Variants in ZNF343 observed in about 807,000 individuals in gnomAD.
The protein encoded by ZNF343 is zinc finger protein 343.
In ZNF343, 11 loss-of-function variants were observed where a neutral mutation model predicts 13.8. That is an observed-to-expected ratio of 0.80 (90% CI 0.50 to 1.32). The LOEUF (loss-of-function observed/expected upper bound fraction) is 1.32. Ranked by LOEUF, ZNF343 falls within the 40% of genes most tolerant of loss-of-function variation. The probability of loss-of-function intolerance (pLI) is 0.00; values close to 1 mark genes in which losing one functional copy is unlikely to be tolerated. For synonymous variants in ZNF343, 248 were observed against 260.0 expected (o/e 0.95, Z 0.44); for missense variants, 658 against 714.2 (o/e 0.92, Z 0.90).
At chr20:2,487,134 CCT>C (rs1392711053) in intron 5 of ZNF343, among the ~76,000 whole-genome samples, 1 of 152,144 alleles carries the variant, frequency 6.6e-6, no homozygotes. Flanking sequence ...GTTGTTTTCC[CCT>C]GTTACCTGTG....
At chr20:2,507,021 TG>T (rs1435137174) in intron 1 of ZNF343, among the ~76,000 whole-genome samples, 2 of 151,814 alleles carry the variant, frequency 1.3e-5, no homozygotes, top group African/African-American at 2.4e-5. Context: ...CCCAGCACTT[TG>T]GGAGGCCCGG....
chr20:2,485,226 T>C (rs369887488), intron 5 of ZNF343, among the ~76,000 whole-genome samples: 1 of 152,214 alleles, frequency 6.6e-6, no homozygotes, highest in Non-Finnish European at 1.5e-5. Context: ...CTAAGTATTA[T>C]GAATTCAGTA....
intron 1 of ZNF343, among the ~76,000 whole-genome samples, chr20:2,521,555 G>C (rs2085782571): frequency 6.6e-6 from 1 of 152,222 alleles, no homozygotes; most frequent in African/African-American, 2.4e-5. Flanking sequence ...TAGAAGCAGA[G>C]ACCTAGACTC....
At chr20:2,498,481 T>C (rs1384452167) in intron 2 of ZNF343, among the ~76,000 whole-genome samples, 1 of 152,160 alleles carries the variant, frequency 6.6e-6, no homozygotes, top group Non-Finnish European at 1.5e-5. Context: ...AATTGCCAAG[T>C]AGAAAACCAC....
chr20:2,521,577 G>C lies in ZNF343; in HGVS notation c.-347+2878C>G, dbSNP rs75003407. On this transcript the variant is annotated intron_variant, in intron 1 of 6. Coordinates refer to the ZNF343 transcript ENST00000358413. ...AGAGACCTAGACTCAGGTGTGGGTAGTGGGATGTAGTCTCTGAGGCAAGAG... is the reference window on the plus strand; with the variant it reads ...AGAGACCTAGACTCAGGTGTGGGTACTGGGATGTAGTCTCTGAGGCAAGAG... Among the ~76,000 whole-genome samples, 1,097 of 152,350 alleles carry C rather than the reference G, an allele frequency of 7.2e-3. 10 individuals are homozygous for C. Among genetic ancestry groups the C allele is most frequent in the African/African-American group, 0.024 (982 of 41,584 alleles).
At chr20:2,523,433 A>T in intron 1 of ZNF343, among the ~76,000 whole-genome samples, 1 of 151,412 alleles carries the variant, frequency 6.6e-6, no homozygotes, top group East Asian at 1.9e-4. Context: ...CACTTTATGG[A>T]CTCGCAGGGA....
chr20:2,498,833 G>A (rs1048539898), intron 2 of ZNF343, among the ~76,000 whole-genome samples: 21 of 152,196 alleles, frequency 1.4e-4, no homozygotes, highest in African/African-American at 2.4e-4. Context: ...GCTAATGTGC[G>A]GTGAAGACAG....
upstream of ZNF343, among the ~76,000 whole-genome samples, chr20:2,511,299 G>A (rs2085738221): frequency 6.6e-6 from 1 of 151,816 alleles, no homozygotes; most frequent in Non-Finnish European, 1.5e-5. Flanking sequence ...TTGTAGAGAT[G>A]GGGTTTCACC....
intron 1 of ZNF343, among the ~76,000 whole-genome samples, chr20:2,517,575 C>T (rs1195815672): frequency 9.2e-5 from 14 of 151,530 alleles, no homozygotes; most frequent in Admixed American, 9.2e-4. Context: ...CATCATGGCT[C>T]ACTGCAGCCT....
chr20:2,492,927 T>C (rs2085391162), intron 4 of ZNF343, 102 bp from the exon 5 acceptor site: 2 of 1,520,232 alleles, frequency 1.3e-6, no homozygotes, highest in East Asian at 2.3e-5. Flanking sequence ...TGCAAGTTGA[T>C]GTAATTCGTC....
At chr20:2,502,380 A>T (rs1002687468) in intron 1 of ZNF343, among the ~76,000 whole-genome samples, 7 of 152,254 alleles carry the variant, frequency 4.6e-5, no homozygotes, top group South Asian at 2.1e-4. Context: ...CAAGTTGGAA[A>T]ACACTCTGCA....
intron 1 of ZNF343, among the ~76,000 whole-genome samples, chr20:2,502,853 A>G (rs1568487496): frequency 6.6e-6 from 1 of 152,252 alleles, no homozygotes. Flanking sequence ...AGCCACCTCA[A>G]AAACATGCCA....
rs765726145 is a variant in ZNF343, at chr20:2,484,115, T to G, written c.846A>C (p.Ser282=). The change falls in exon 6 of 6, where the codon TCA becomes TCC. Residue 282 remains serine (S), a synonymous_variant. Transcript: ENST00000278772. The part of the protein sequence containing the change: ...SDCGRSFKDR[S]TLIRHHRIHS... The stretch of plus-strand genomic sequence containing the variant: ...GTATACGATGGTGTCTGATGAGGGT[T>G]GATCTATCTTTAAAGCTTCGCCCAC... The G allele has an allele frequency of 1.9e-6, 3 of 1,614,264 alleles. No homozygotes were observed. In the East Asian group the frequency reaches 6.7e-5, roughly 36 times the overall value.
intron 1 of ZNF343, among the ~76,000 whole-genome samples, chr20:2,516,482 T>G (rs915121178): frequency 3.9e-5 from 6 of 152,040 alleles, no homozygotes; most frequent in African/African-American, 1.2e-4. Flanking sequence ...TGAGAGCAAG[T>G]GCACAGTGAG....
chr20:2,492,928 G>A, intron 4 of ZNF343, 103 bp from the exon 5 acceptor site: 1 of 1,513,642 alleles, frequency 6.6e-7, no homozygotes, highest in Admixed American at 1.9e-5. Flanking sequence ...GCAAGTTGAT[G>A]TAATTCGTCA....
intron 1 of ZNF343, among the ~76,000 whole-genome samples, chr20:2,521,827 A>G (rs1182143697): frequency 1.3e-5 from 2 of 152,184 alleles, no homozygotes; most frequent in Non-Finnish European, 2.9e-5. Context: ...TGGGACATAG[A>G]CGTGGGTGGT....
upstream of ZNF343, chr20:2,524,599 G>C (rs1414407448): frequency 2.6e-5 from 4 of 152,434 alleles, no homozygotes; most frequent in African/African-American, 7.2e-5. Context: ...AGACTCGCGA[G>C]CTTCCGGGCC....
At chr20:2,486,195 T>C (rs978251301) in intron 5 of ZNF343, among the ~76,000 whole-genome samples, 3 of 152,192 alleles carry the variant, frequency 2.0e-5, no homozygotes, top group Non-Finnish European at 4.4e-5. Context: ...AAATCTCATT[T>C]GTGTCTATTT....
At position 2,518,581 on chromosome 20, in the gene ZNF343, CCA is replaced by C. The variant is rs1003963379; in HGVS notation, c.-347+5872_-347+5873del. 1.3e-5 allele frequency among the ~76,000 whole-genome samples: 2 copies of C among 152,222 alleles called. No homozygotes were observed. Among genetic ancestry groups the C allele is most frequent in the African/African-American group, 4.8e-5 (2 of 41,444 alleles). ...TTTCTAAATAGCTACCCCTCCGGTT[CCA>C]CACTCACTCACAACCTACAACCCTC... is the stretch of plus-strand genomic sequence containing the variant. On this transcript the variant is annotated intron_variant, in intron 1 of 6. Transcript: ENST00000358413. The surrounding 1 kb of genome is among the most constrained non-coding windows in gnomAD (Gnocchi z 4.6).
Sources: gnomAD v4.1 joint callset for allele counts (sites outside exome capture counted in the v4.1 genomes callset) on GRCh38, gnomAD v4.1.1 for gene constraint, Gnocchi (gnomAD v3.1) non-coding constraint, MANE v1.5 for transcripts, NCBI Gene and HGNC (gene_info 2026-07-23, HGNC 2026-07-21) for gene names.